The following NLGN1 variants were observed in gnomAD, a reference collection of about 807,000 sequenced individuals.
NLGN1 encodes the protein neuroligin 1, also known as neuroligin-1.
NLGN1 carries 12 observed loss-of-function variants against 65.5 expected under a neutral mutation model. That is an observed-to-expected ratio of 0.18 (90% CI 0.12 to 0.30). NLGN1 has a LOEUF of 0.30. Ranked by LOEUF, NLGN1 falls within the 10% of genes least tolerant of loss-of-function variation. NLGN1 has a pLI of 1.00. For synonymous variants in NLGN1, 350 were observed against 359.5 expected (o/e 0.97, Z 0.30); for missense variants, 750 against 1,007.1 (o/e 0.74, Z 3.46).
chr3:173,650,464 C>G (rs183708193), intron 3 of NLGN1, among the ~76,000 whole-genome samples: 1 of 152,146 alleles, frequency 6.6e-6, no homozygotes, highest in Non-Finnish European at 1.5e-5. Flanking sequence ...ATAGTTTACA[C>G]TTGCTCCAGA....
chr3:173,931,736 T>A (rs1008688261), intron 4 of NLGN1, among the ~76,000 whole-genome samples: 1 of 152,064 alleles, frequency 6.6e-6, no homozygotes, highest in East Asian at 1.9e-4. Context: ...TGAGAGGAAA[T>A]GTGAAAAGAT....
exon 5 of NLGN1, chr3:174,275,436 T>G (rs2152886428): frequency 6.2e-7 from 1 of 1,612,734 alleles, no homozygotes; most frequent in Non-Finnish European, 8.5e-7. Flanking sequence ...TAAGAATCAC[T>G]GTTTTTGGAT....
At chr3:174,063,142 T>TG (rs1243309833) in intron 4 of NLGN1, among the ~76,000 whole-genome samples, 2 of 152,094 alleles carry the variant, frequency 1.3e-5, no homozygotes, top group Non-Finnish European at 1.5e-5. Flanking sequence ...AACAATAATA[T>TG]GGAATACAGC....
chr3:173,661,031 G>A (rs767893062), intron 3 of NLGN1, among the ~76,000 whole-genome samples: 1 of 151,982 alleles, frequency 6.6e-6, no homozygotes, highest in Non-Finnish European at 1.5e-5. Context: ...AAGCAAACGT[G>A]AATGAGTAGT....
intron 2 of NLGN1, among the ~76,000 whole-genome samples, chr3:173,500,404 A>C (rs1265251217): frequency 6.6e-6 from 1 of 152,164 alleles, no homozygotes; most frequent in African/African-American, 2.4e-5. Context: ...GATGAAGCCC[A>C]CTTGATCATG....
chr3:173,728,193 GAT>G (rs1772141720), intron 3 of NLGN1, among the ~76,000 whole-genome samples: 1 of 152,068 alleles, frequency 6.6e-6, no homozygotes, highest in South Asian at 2.1e-4. Flanking sequence ...GGATGTGAGA[GAT>G]GTGTAGTAGA....
At chr3:174,081,130 C>T (rs926318048) in intron 4 of NLGN1, among the ~76,000 whole-genome samples, 9 of 151,988 alleles carry the variant, frequency 5.9e-5, no homozygotes, top group Non-Finnish European at 4.4e-5. Flanking sequence ...TTACAAGTCA[C>T]GGAATACACT....
At chr3:173,929,818 C>T (rs547961321) in intron 4 of NLGN1, among the ~76,000 whole-genome samples, 1 of 151,944 alleles carries the variant, frequency 6.6e-6, no homozygotes, top group Non-Finnish European at 1.5e-5. Context: ...GATTCTTCTG[C>T]CTCAGCCTCC....
chr3:173,664,443 A>T (rs2149705126), intron 3 of NLGN1, among the ~76,000 whole-genome samples: 1 of 152,264 alleles, frequency 6.6e-6, no homozygotes, highest in South Asian at 2.1e-4. Context: ...TTGTGCATGA[A>T]GATACTTCTA....
At chr3:173,860,528 T>C (rs1728848898) in intron 4 of NLGN1, among the ~76,000 whole-genome samples, 1 of 152,178 alleles carries the variant, frequency 6.6e-6, no homozygotes, top group Non-Finnish European at 1.5e-5. Flanking sequence ...CTAAGATTAA[T>C]AAATCAAGAT....
At chr3:173,676,765 C>G (rs962795510) in intron 3 of NLGN1, among the ~76,000 whole-genome samples, 1 of 152,022 alleles carries the variant, frequency 6.6e-6, no homozygotes, top group Non-Finnish European at 1.5e-5. Flanking sequence ...ATACCTCAAA[C>G]AAAGCAAAAT....
At chr3:173,882,698 G>A (rs1254586939) in intron 4 of NLGN1, among the ~76,000 whole-genome samples, 1 of 152,156 alleles carries the variant, frequency 6.6e-6, no homozygotes, top group African/African-American at 2.4e-5. Flanking sequence ...TTGGCTTAAG[G>A]GAATATTGTT....
chr3:173,490,790 T>G (rs1410221629), intron 2 of NLGN1, among the ~76,000 whole-genome samples: 1 of 152,162 alleles, frequency 6.6e-6, no homozygotes, highest in African/African-American at 2.4e-5. Context: ...TTTGTAGTTC[T>G]CCTTGAAGAG....
At chr3:174,210,022 C>A (rs182169235) in intron 4 of NLGN1, among the ~76,000 whole-genome samples, 12 of 152,210 alleles carry the variant, frequency 7.9e-5, no homozygotes, top group African/African-American at 2.6e-4. Context: ...TCTAGGCACA[C>A]CAAGATCATT....
At chr3:174,050,007 G>A (rs936304174) in intron 4 of NLGN1, among the ~76,000 whole-genome samples, 3 of 152,030 alleles carry the variant, frequency 2.0e-5, no homozygotes, top group Non-Finnish European at 4.4e-5. Context: ...TTTAGGTTCA[G>A]TGTTCAATAT....
intron 3 of NLGN1, among the ~76,000 whole-genome samples, chr3:173,691,894 A>G (rs936045226): frequency 6.6e-6 from 1 of 152,154 alleles, no homozygotes; most frequent in Non-Finnish European, 1.5e-5. Flanking sequence ...CTGAGAATAC[A>G]CATTAAATTC....
intron 3 of NLGN1, among the ~76,000 whole-genome samples, chr3:173,794,188 A>G (rs977548409): frequency 6.6e-6 from 1 of 152,106 alleles, no homozygotes; most frequent in Non-Finnish European, 1.5e-5. Context: ...AAGACTTCCC[A>G]GACTCAGCCA....
chr3:174,128,395 T>C (rs566029704), intron 4 of NLGN1, among the ~76,000 whole-genome samples: 2 of 152,270 alleles, frequency 1.3e-5, no homozygotes, highest in African/African-American at 2.4e-5. Flanking sequence ...AAAGATAATA[T>C]GTGGGATAGA....
chr3:173,975,833 T>C (rs1244703720), intron 4 of NLGN1, among the ~76,000 whole-genome samples: 1 of 152,024 alleles, frequency 6.6e-6, no homozygotes, highest in Non-Finnish European at 1.5e-5. Flanking sequence ...TGATTGATTT[T>C]CTCATGTGTG....
Sources: gnomAD v4.1 joint callset for allele counts (sites outside exome capture counted in the v4.1 genomes callset) on GRCh38, gnomAD v4.1.1 for gene constraint, MANE v1.5 for transcripts, NCBI Gene and HGNC (gene_info 2026-07-23, HGNC 2026-07-21) for gene names.